The following TAFA5 variants were observed in gnomAD, a reference collection of about 807,000 sequenced individuals.
TAFA5 encodes TAFA chemokine like family member 5, also known as chemokine-like protein TAFA-5.
Under a neutral mutation model 15.3 loss-of-function variants are expected in TAFA5, and 6 were observed. The ratio of observed to expected loss-of-function variants is 0.39; its 90% CI spans 0.21 to 0.77. TAFA5 has a LOEUF of 0.77. Ranked by LOEUF, TAFA5 falls within the 30% of genes least tolerant of loss-of-function variation. TAFA5 has a pLI of 0.41. For synonymous variants in TAFA5, 103 were observed against 80.7 expected (o/e 1.28, Z -1.48); for missense variants, 161 against 193.1 (o/e 0.83, Z 0.98).
chr22:48,669,909 C>T (rs145689064), intron 2 of TAFA5, among the ~76,000 whole-genome samples: 5 of 152,364 alleles, frequency 3.3e-5, no homozygotes, highest in South Asian at 4.1e-4. Flanking sequence ...TGCTGCCTCC[C>T]GCCTGAGCTG....
chr22:48,722,053 C>T (rs1349479462), intron 3 of TAFA5, among the ~76,000 whole-genome samples: 3 of 152,010 alleles, frequency 2.0e-5, no homozygotes, highest in African/African-American at 7.3e-5. Flanking sequence ...GGGTACATAC[C>T]CAGTTATGGG....
At chr22:48,635,685 A>G (rs1601632018) in intron 1 of TAFA5, among the ~76,000 whole-genome samples, 1 of 152,076 alleles carries the variant, frequency 6.6e-6, no homozygotes, top group South Asian at 2.1e-4. Flanking sequence ...ACATATTCCC[A>G]GGCCTCTGCA....
Position 48,647,402 on chromosome 22 carries a change from C to T in TAFA5, c.262+656C>T, listed in dbSNP as rs118032838. Among the ~76,000 whole-genome samples the T allele has an allele frequency of 3.3e-3, 496 of 152,188 alleles. 11 individuals are homozygous for T. In the East Asian group the frequency reaches 0.06, roughly 18 times the overall value. Reference sequence around the variant, plus strand: ...CATGGGGCGGGAGGGGCTGTCCCGGCGTCTGGTGGGAGCCTGTCATCTGGT... The same window carrying T: ...CATGGGGCGGGAGGGGCTGTCCCGGTGTCTGGTGGGAGCCTGTCATCTGGT... On this transcript the variant is annotated intron_variant, in intron 2 of 3. Transcript: ENST00000402357.
intron 3 of TAFA5, among the ~76,000 whole-genome samples, chr22:48,734,386 G>C (rs1448868194): frequency 6.6e-6 from 1 of 152,230 alleles, no homozygotes; most frequent in African/African-American, 2.4e-5. Context: ...TGGGTTTTCA[G>C]AATTTCACAA....
rs151204228 is a variant in TAFA5, at chr22:48,501,734, C to T, written c.112+12030C>T. Among the ~76,000 whole-genome samples, 87 of 152,298 alleles carry T rather than the reference C, an allele frequency of 5.7e-4. 2 individuals are homozygous for T. In the East Asian group the frequency reaches 7.0e-3, roughly 12 times the overall value. On this transcript the variant is annotated intron_variant, in intron 1 of 3. Transcript: ENST00000402357. ...CATCTCCTTTCCTGTCCCCTGGAGG[C>T]CCCAGGGGTGTGGCGGAGTGAGGGC...
intron 3 of TAFA5, among the ~76,000 whole-genome samples, chr22:48,710,820 C>T (rs561139394): frequency 3.9e-5 from 6 of 152,296 alleles, no homozygotes; most frequent in African/African-American, 1.4e-4. Context: ...TGGCTGCAGA[C>T]TCCCTTTCCC....
chr22:48,648,622 C>T (rs975852055), intron 2 of TAFA5, among the ~76,000 whole-genome samples: 21 of 152,226 alleles, frequency 1.4e-4, no homozygotes, highest in African/African-American at 4.3e-4. Context: ...AGGTGGATCA[C>T]GAGGTCAGGA....
chr22:48,552,312 G>A lies in TAFA5; in HGVS notation c.112+62608G>A, dbSNP rs960304064. 6.6e-6 allele frequency among the ~76,000 whole-genome samples: 1 copy of A among 152,188 alleles called. No individual in the cohort carries two copies. Among genetic ancestry groups the A allele is most frequent in the South Asian group, 2.1e-4 (1 of 4,826 alleles). ...CAGGAGTTGGGCTCTGGGCAGGGAG[G>A]AGGGCTTCCTGGAGGCAGTGGCAGA... On this transcript the variant is annotated intron_variant, in intron 1 of 3. Transcript: ENST00000402357. This position sits in a 1 kb window ranked among gnomAD's most constrained non-coding sequence, Gnocchi z 4.1.
chr22:48,521,911 T>C (rs1326994232), intron 1 of TAFA5, among the ~76,000 whole-genome samples: 3 of 149,552 alleles, frequency 2.0e-5, no homozygotes, highest in African/African-American at 7.4e-5. Flanking sequence ...GGTGGAGCTG[T>C]AGCTCCTGCT....
intron 1 of TAFA5, among the ~76,000 whole-genome samples, chr22:48,562,352 A>C (rs1923262636): frequency 6.6e-6 from 1 of 152,056 alleles, no homozygotes; most frequent in Non-Finnish European, 1.5e-5. Flanking sequence ...ATTAGCCAGG[A>C]TGGTCTCGAT....
At chr22:48,600,151 T>C (rs73427904) in intron 1 of TAFA5, among the ~76,000 whole-genome samples, 6,350 of 151,520 alleles carry the variant, frequency 0.042, 314 homozygotes, top group African/African-American at 0.12. Context: ...TACCATTCGC[T>C]GTCACAGCCG....
chr22:48,507,251 T>C (rs1921029562), intron 1 of TAFA5, among the ~76,000 whole-genome samples: 1 of 149,824 alleles, frequency 6.7e-6, no homozygotes, highest in Admixed American at 6.6e-5. Flanking sequence ...AAGGGCCAGG[T>C]GTGCAGTTGG....
Position 48,566,170 on chromosome 22 carries a change from G to A in TAFA5, c.112+76466G>A, listed in dbSNP as rs1923401571. On this transcript the variant is annotated intron_variant, in intron 1 of 3. Coordinates refer to ENST00000402357, the MANE Select transcript of TAFA5 (RefSeq NM_001082967.3). The surrounding 1 kb of genome is among the most constrained non-coding windows in gnomAD (Gnocchi z 4.5). ...GGGTGGACAATGAATGGATGGTGAT[G>A]GGTGGATGGATGGTGGATGGATGGG... Among the ~76,000 whole-genome samples the A allele has an allele frequency of 1.3e-5, 2 of 151,674 alleles. No homozygotes were observed. Among genetic ancestry groups the A allele is most frequent in the Admixed American group, 6.6e-5 (1 of 15,228 alleles).
intron 1 of TAFA5, among the ~76,000 whole-genome samples, chr22:48,634,724 T>C (rs148246851): frequency 1.3e-5 from 2 of 150,980 alleles, no homozygotes; most frequent in Non-Finnish European, 2.9e-5. Flanking sequence ...CTCTCATTCA[T>C]CTACTCATTC....
At chr22:48,678,103 C>G (rs1928033120) in intron 2 of TAFA5, among the ~76,000 whole-genome samples, 1 of 152,226 alleles carries the variant, frequency 6.6e-6, no homozygotes, top group African/African-American at 2.4e-5. Context: ...ATTCCAGTTC[C>G]CTGGTCCTCC....
intron 3 of TAFA5, among the ~76,000 whole-genome samples, chr22:48,708,925 G>A (rs2147252240): frequency 6.6e-6 from 1 of 152,298 alleles, no homozygotes; most frequent in Admixed American, 6.5e-5. Context: ...GGTTCAAGAG[G>A]CCAATTTGGT....
intron 1 of TAFA5, among the ~76,000 whole-genome samples, chr22:48,596,768 T>C (rs1477020307): frequency 6.6e-6 from 1 of 152,100 alleles, no homozygotes; most frequent in Non-Finnish European, 1.5e-5. Flanking sequence ...GGGGCGCCAC[T>C]GCCCTAGGGC....
chr22:48,679,849 C>T (rs116420940), intron 2 of TAFA5, among the ~76,000 whole-genome samples: 2,439 of 150,086 alleles, frequency 0.016, 90 homozygotes, highest in African/African-American at 0.058. Flanking sequence ...CCGTGTGGAC[C>T]GGCCCTGCCC....
At chr22:48,519,237 C>T (rs530849916) in intron 1 of TAFA5, among the ~76,000 whole-genome samples, 61 of 152,328 alleles carry the variant, frequency 4.0e-4, no homozygotes, top group Non-Finnish European at 7.1e-4. Flanking sequence ...GATTTTAAAC[C>T]AGATTCAATT....
Sources: allele counts gnomAD v4.1 joint callset (sites outside exome capture counted in the v4.1 genomes callset), GRCh38; gene constraint gnomAD v4.1.1; non-coding constraint Gnocchi (gnomAD v3.1); transcripts MANE v1.5; gene names NCBI Gene and HGNC (gene_info 2026-07-23, HGNC 2026-07-21).